Variants in SLAMF8 observed in about 807,000 individuals in gnomAD.
The protein encoded by SLAMF8 is SLAM family member 8, also known as B lymphocyte activator macrophage expressed.
In SLAMF8, 23 loss-of-function variants were observed where a neutral mutation model predicts 29.0. That is an observed-to-expected ratio of 0.79 (90% CI 0.57 to 1.13). SLAMF8 has a LOEUF of 1.13. SLAMF8 is among the 50% of genes most tolerant of loss of function. SLAMF8 has a pLI of 0.00. For missense variants in SLAMF8, 381 were observed against 353.1 expected (o/e 1.08, Z -0.63); for synonymous variants, 139 against 145.6 (o/e 0.96, Z 0.32).
intron 2 of SLAMF8, among the ~76,000 whole-genome samples, chr1:159,832,229 T>G (rs546117898): frequency 1.3e-5 from 2 of 152,354 alleles, no homozygotes; most frequent in South Asian, 4.1e-4. Flanking sequence ...TCTGGGCCCC[T>G]CCTTCACAGC....
In SLAMF8 at chr1:159,829,789, T is replaced by C. The variant is rs1370302745; in HGVS notation, c.41-77T>C. On this transcript the variant is annotated intron_variant, in intron 1 of 4. Transcript: ENST00000289707. ...TCAGTGGAGGGGCCCCAATTCACCC[T>C]ATAGCAGCTCAGATGCATGCAAAGA... The C allele has an allele frequency of 2.0e-6, 3 of 1,484,228 alleles. No individual in the cohort carries two copies. The African/African-American group carries it at 4.7e-5, about 23-fold the overall frequency. The allele number at this position is 1,484,228 out of a possible 1,614,324, so 91.9% of individuals were successfully genotyped here. A position where few individuals can be genotyped will look rare whatever the true frequency, so the allele number is the denominator to read the frequency against.
rs956642756 is a variant in SLAMF8, at chr1:159,837,286, C to CA, written c.*2033dup. ...ACTAGTGGACTAATTAACCCTCCAC[C>CA]AAAAAAACACAAAGTGCTTCTGTGA... On this transcript the variant is annotated 3_prime_UTR_variant, in exon 5 of 5. Transcript: ENST00000289707. The CA allele has an allele frequency of 1.0e-5, 10 of 985,168 alleles. No individual in the cohort carries two copies. Among genetic ancestry groups the CA allele is most frequent in the Middle Eastern group, 5.2e-4 (1 of 1,934 alleles). 61.0% of individuals were successfully genotyped at this position (985,168 alleles called of 1,614,324 possible). A position where few individuals can be genotyped will look rare whatever the true frequency, so the allele number is the denominator to read the frequency against.
At chr1:159,835,075 A>T (rs941758827) in intron 4 of SLAMF8, 109 bp from the exon 5 acceptor site, 10 of 971,172 alleles carry the variant, frequency 1.0e-5, no homozygotes, top group Non-Finnish European at 1.6e-5. Flanking sequence ...TCCTTTACCT[A>T]AGGTGACCTT....
At chr1:159,832,516 G>C (rs1370561287) in intron 2 of SLAMF8, among the ~76,000 whole-genome samples, 3 of 152,208 alleles carry the variant, frequency 2.0e-5, no homozygotes, top group Non-Finnish European at 4.4e-5. Context: ...ATGGGTAGAA[G>C]TTTTCTAGGA....
In SLAMF8 at chr1:159,829,851, G is replaced by T. The variant is rs138504398; in HGVS notation, c.41-15G>T. 12 of 1,586,892 alleles carry T rather than the reference G, an allele frequency of 7.6e-6. No homozygotes were observed. Among genetic ancestry groups the T allele is most frequent in the African/African-American group, 1.3e-5 (1 of 74,400 alleles). ...TGTGGGGCAGGCAGAGTGACCAGGGGCTCTGTTCTTTCAGCCCTACTTCCC... is the reference window on the plus strand; with the variant it reads ...TGTGGGGCAGGCAGAGTGACCAGGGTCTCTGTTCTTTCAGCCCTACTTCCC... On this transcript the variant is annotated splice_polypyrimidine_tract_variant and intron_variant, in intron 1 of 4. Transcript: ENST00000289707.
intron 1 of SLAMF8, among the ~76,000 whole-genome samples, chr1:159,827,774 G>A (rs1425958647): frequency 6.6e-6 from 1 of 152,058 alleles, no homozygotes. Context: ...AACATGTGCA[G>A]GAAATCACAC....
In SLAMF8 at chr1:159,836,951, C is replaced by T. The variant is rs1430993946; in HGVS notation, c.*1691C>T. ...TACAGTCAGGCCACATGCCTGGTCACTGAATCATGCAAAACTGGCCTCAGT... is the reference window on the plus strand; with the variant it reads ...TACAGTCAGGCCACATGCCTGGTCATTGAATCATGCAAAACTGGCCTCAGT... On this transcript the variant is annotated 3_prime_UTR_variant, in exon 5 of 5. Coordinates refer to ENST00000289707, the MANE Select transcript of SLAMF8 (RefSeq NM_020125.3). 2.0e-6 allele frequency: 2 copies of T among 985,414 alleles called. No homozygotes were observed. Among genetic ancestry groups the T allele is most frequent in the Non-Finnish European group, 2.4e-6 (2 of 829,994 alleles). The allele number at this position is 985,414 out of a possible 1,614,324, so 61.0% of individuals were successfully genotyped here. A position where few individuals can be genotyped will look rare whatever the true frequency, so the allele number is the denominator to read the frequency against.
chr1:159,827,683 T>G lies in SLAMF8; in HGVS notation c.40+745T>G, dbSNP rs536897254. ...TTTACATCAGAGGCTCATAGGGACT[T>G]TGGGTTGCTTTGTTTCATCTCCTTG... On this transcript the variant is annotated intron_variant, in intron 1 of 4. Coordinates refer to ENST00000289707, the MANE Select transcript of SLAMF8 (RefSeq NM_020125.3). Among the ~76,000 whole-genome samples, 29 of 152,266 alleles carry G rather than the reference T, an allele frequency of 1.9e-4. 1 individual carries two copies. The highest frequency in any genetic ancestry group is 6.5e-4 in the African/African-American group (27 of 41,552).
chr1:159,834,030 G>C (rs113802933), intron 4 of SLAMF8, among the ~76,000 whole-genome samples: 2 of 152,312 alleles, frequency 1.3e-5, no homozygotes, highest in African/African-American at 4.8e-5. Flanking sequence ...GCCTTCTTGA[G>C]AAGAGGAAGG....
intron 1 of SLAMF8, among the ~76,000 whole-genome samples, chr1:159,827,176 T>A (rs948823294): frequency 6.6e-6 from 1 of 152,130 alleles, no homozygotes; most frequent in Non-Finnish European, 1.5e-5. Flanking sequence ...CTGTGAGACA[T>A]GAGCTGTTTT....
chr1:159,835,149 TGG>T (rs746554423), intron 4 of SLAMF8, 33 bp from the exon 5 acceptor site: 5 of 1,604,330 alleles, frequency 3.1e-6, no homozygotes, highest in Non-Finnish European at 3.4e-6. Flanking sequence ...CTCCAAACAC[TGG>T]AGGGGTAACT....
Position 159,836,502 on chromosome 1 carries a change from C to G in SLAMF8, c.*1242C>G, listed in dbSNP as rs1414172967. On this transcript the variant is annotated 3_prime_UTR_variant, in exon 5 of 5. Transcript: ENST00000289707. Reference sequence around the variant, plus strand: ...TGATAAGGTTCACAGTTTCTCTCACCCAGGTGTAACTGGATTTTTTCTGGG... The same window carrying G: ...TGATAAGGTTCACAGTTTCTCTCACGCAGGTGTAACTGGATTTTTTCTGGG... 4.1e-6 allele frequency: 4 copies of G among 985,440 alleles called. No homozygotes were observed. In the East Asian group the frequency reaches 4.5e-4, roughly 112 times the overall value. The allele number at this position is 985,440 out of a possible 1,614,324, so 61.0% of individuals were successfully genotyped here.
chr1:159,826,944 T>C lies in SLAMF8; in HGVS notation c.40+6T>C, dbSNP rs746474698. 6 of 1,614,056 alleles carry C rather than the reference T, an allele frequency of 3.7e-6. No homozygotes were observed. The highest frequency in any genetic ancestry group is 5.1e-6 in the Non-Finnish European group (6 of 1,180,018). On this transcript the variant is annotated splice_donor_region_variant and intron_variant, in intron 1 of 4. Coordinates refer to ENST00000289707, the MANE Select transcript of SLAMF8 (RefSeq NM_020125.3). Reference sequence around the variant, plus strand: ...GAGTCTGCTTCTCTGGGAAGGTAAGTGGGGCAGGCAGATAGCCTGTCCTCG... The same window carrying C: ...GAGTCTGCTTCTCTGGGAAGGTAAGCGGGGCAGGCAGATAGCCTGTCCTCG...
intron 1 of SLAMF8, among the ~76,000 whole-genome samples, chr1:159,828,219 A>G (rs1312004478): frequency 1.3e-5 from 2 of 152,210 alleles, no homozygotes; most frequent in Non-Finnish European, 2.9e-5. Context: ...AGTGGTACTG[A>G]AGCCTGGGGC....
chr1:159,828,915 T>C (rs1216114106), intron 1 of SLAMF8, among the ~76,000 whole-genome samples: 1 of 152,144 alleles, frequency 6.6e-6, no homozygotes, highest in Non-Finnish European at 1.5e-5. Flanking sequence ...AAACAGCATC[T>C]TGCTTTCTCA....
Position 159,836,336 on chromosome 1 carries a change from G to A in SLAMF8, c.*1076G>A, listed in dbSNP as rs528774339. The A allele has an allele frequency of 3.0e-6, 3 of 984,926 alleles. No individual in the cohort carries two copies. In the African/African-American group the frequency reaches 5.2e-5, roughly 17 times the overall value. The allele number at this position is 984,926 out of a possible 1,614,324, so 61.0% of individuals were successfully genotyped here. Reference sequence around the variant, plus strand: ...ACAGCAGGACTGTAGAGGTCACTCTGACTCCATCAAACTTTTTATTGTGGC... The same window carrying A: ...ACAGCAGGACTGTAGAGGTCACTCTAACTCCATCAAACTTTTTATTGTGGC... On this transcript the variant is annotated 3_prime_UTR_variant, in exon 5 of 5. Transcript: ENST00000289707.
At chr1:159,833,434 T>G (rs1024029852) in intron 4 of SLAMF8, 65 bp downstream of exon 4, 5 of 1,607,252 alleles carry the variant, frequency 3.1e-6, no homozygotes, top group African/African-American at 1.3e-5. Context: ...GAGGGGGTCT[T>G]GGACCTCCTC....
rs146937039 is a variant in SLAMF8 at position 159,830,185 on chromosome 1, G to C, written c.360G>C (p.Lys120Asn). The change falls in exon 2 of 5, where the codon AAG becomes AAC. Residue 120 changes from lysine (K) to asparagine (N), a missense_variant. Physicochemically the swap from Lys to Asn is moderately conservative, Grantham distance 94 (BLOSUM62 0). Transcript: ENST00000289707. The stretch of plus-strand genomic sequence containing the variant: ...CCTGGACCCAGACCCTCCAGCTCAA[G>C]GTGTACGGTGAGTGTGTCTGACACT... ...GQPWTQTLQL[K>N]VYDAVPRPVV... 1 of 1,593,390 alleles carries C rather than the reference G, an allele frequency of 6.3e-7. No homozygotes were observed. The highest frequency in any genetic ancestry group is 1.3e-5 in the African/African-American group (1 of 74,426).
Position 159,832,906 on chromosome 1 carries a change from T to A in SLAMF8, c.398T>A (p.Phe133Tyr). The part of the protein sequence containing the change: ...DAVPRPVVQV[F>Y]IAVERDAQPS... ...GTGCCCAGGCCCGTGGTACAAGTGT[T>A]CATTGCTGTAGAAAGGGATGCTCAG... The change falls in exon 3 of 5, where the codon TTC (phenylalanine) becomes TAC (tyrosine). Residue 133 changes from phenylalanine (F) to tyrosine (Y), a missense_variant. Coordinates refer to ENST00000289707, the MANE Select transcript of SLAMF8 (RefSeq NM_020125.3). 6.2e-7 allele frequency: 1 copy of A among 1,614,176 alleles called. No individual in the cohort carries two copies. The highest frequency in any genetic ancestry group is 8.5e-7 in the Non-Finnish European group (1 of 1,180,018).
Sources: allele counts gnomAD v4.1 joint callset (sites outside exome capture counted in the v4.1 genomes callset), GRCh38; gene constraint gnomAD v4.1.1; transcripts MANE v1.5; gene names NCBI Gene and HGNC (gene_info 2026-07-23, HGNC 2026-07-21).